The following MUC5B variants were observed in gnomAD, a reference collection of about 807,000 sequenced individuals.
MUC5B encodes the protein mucin-5B.
In MUC5B, 116 loss-of-function variants were observed where a neutral mutation model predicts 376.9. The ratio of observed to expected loss-of-function variants is 0.31; its 90% confidence interval spans 0.26 to 0.36. MUC5B has a LOEUF of 0.36. Ranked by LOEUF, MUC5B falls within the 10% of genes least tolerant of loss-of-function variation. The pLI is 1.00. For missense variants in MUC5B, 7,165 were observed against 7,769.9 expected (o/e 0.92, Z 2.93); for synonymous variants, 3,517 against 3,390.9 (o/e 1.04, Z -1.29).
chr11:1,233,826 A>G lies in MUC5B; in HGVS notation c.2355A>G (p.Gly785=). The G allele has an allele frequency of 6.2e-7, 1 of 1,605,032 alleles. No homozygotes were observed. The highest frequency in any genetic ancestry group is 1.1e-5 in the South Asian group (1 of 89,816). ...SCTGGKLSCL[G]ASLQKSTGCA... ...CGGGTGGGAAGCTAAGCTGCCTGGG[A>G]GCCTCTCTGCAGAAAAGCACAGGTA... The change falls in exon 19 of 49, where the codon GGA becomes GGG. Residue 785 remains glycine, a synonymous_variant. Transcript: ENST00000529681.
chr11:1,242,814 C>G lies in MUC5B; in HGVS notation c.5934C>G (p.Thr1978=). The part of the protein sequence containing the change: ...LRSTATTPTA[T]SVTPIPSSSL... The stretch of plus-strand genomic sequence containing the variant: ...GCACAGCCACCACACCCACAGCTAC[C>G]AGCGTTACACCCATCCCCTCTTCCT... The change falls in exon 31 of 49, where the codon ACC becomes ACG. Residue 1978 remains threonine, a synonymous_variant. Coordinates refer to ENST00000529681, the MANE Select transcript of MUC5B (RefSeq NM_002458.3). 1 of 1,613,242 alleles carries G rather than the reference C, an allele frequency of 6.2e-7. No individual in the cohort carries two copies. Among genetic ancestry groups the G allele is most frequent in the Non-Finnish European group, 8.5e-7 (1 of 1,179,620 alleles).
rs1212166423 is a variant in MUC5B at position 1,247,305 on chromosome 11, C to T, written c.10425C>T (p.Thr3475=). 1 of 1,611,634 alleles carries T rather than the reference C, an allele frequency of 6.2e-7. No homozygotes were observed. The highest frequency in any genetic ancestry group is 8.5e-7 in the Non-Finnish European group (1 of 1,179,546). ...TGCGCACAGCCTGGACTTCGGCCAC[C>T]TCGGGCATCTTGGGCACCACCCACA... ...HTVRTAWTSA[T]SGILGTTHIT... The change falls in exon 31 of 49, where the codon ACC becomes ACT. Residue 3475 remains threonine (T), a synonymous_variant. Transcript: ENST00000529681.
At position 1,245,858 on chromosome 11, in the gene MUC5B, T is replaced by C; in HGVS notation, c.8978T>C (p.Leu2993Pro). The change falls in exon 31 of 49, where the codon CTC becomes CCC. Residue 2993 changes from leucine to proline, a missense_variant. This residue lies in a region of MUC5B where 939 missense variants were observed against 770.6 expected (regional missense o/e 1.22). Coordinates refer to ENST00000529681, the MANE Select transcript of MUC5B (RefSeq NM_002458.3). Reference sequence around the variant, plus strand: ...TCCACTCCAGGGACGACCTGGATCCTCACAGAGCAGACCACAGCAGCCACT... The same window carrying C: ...TCCACTCCAGGGACGACCTGGATCCCCACAGAGCAGACCACAGCAGCCACT... ...PSSTPGTTWI[L>P]TEQTTAATTT... The C allele has an allele frequency of 2.5e-6, 4 of 1,612,950 alleles. No individual in the cohort carries two copies. The highest frequency in any genetic ancestry group is 3.4e-6 in the Non-Finnish European group (4 of 1,179,708).
At chr11:1,232,406 G>A in intron 15 of MUC5B, 44 bp from the exon 16 acceptor site, 2 of 1,548,962 alleles carry the variant, frequency 1.3e-6, no homozygotes, top group South Asian at 1.2e-5. Context: ...AGGGGTGTGG[G>A]CTTCGGGGCA....
In MUC5B at chr11:1,250,019, C is replaced by G; in HGVS notation, c.13139C>G (p.Ser4380Cys). 1 of 1,612,630 alleles carries G rather than the reference C, an allele frequency of 6.2e-7. No individual in the cohort carries two copies. The change falls in exon 31 of 49, where the codon TCC becomes TGC. Residue 4380 changes from serine to cysteine, a missense_variant. Physicochemically the swap from Ser to Cys is moderately radical, Grantham distance 112. Around this residue, in one of 31 missense-constraint regions of MUC5B, gnomAD observed 431 missense variants for 390.4 expected, o/e 1.10. Transcript: ENST00000529681. Reference sequence around the variant, plus strand: ...ACGACAAGGGCCACCAGTTCCACGTCCACCCCCTCCTCCACTCCGGGGACG... The same window carrying G: ...ACGACAAGGGCCACCAGTTCCACGTGCACCCCCTCCTCCACTCCGGGGACG... ...ATTTRATSST[S>C]TPSSTPGTTW... is the part of the protein sequence containing the mutation.
At position 1,245,764 on chromosome 11, in the gene MUC5B, C is replaced by T. The variant is rs764524864; in HGVS notation, c.8884C>T (p.Arg2962Cys). Residue 2962 changes from arginine (R) to cysteine (C), a missense_variant, in exon 31 of 49, where the codon CGT becomes TGT. Around this residue, in one of 31 missense-constraint regions of MUC5B, gnomAD observed 57 missense variants for 167.2 expected, o/e 0.34. Coordinates refer to ENST00000529681, the MANE Select transcript of MUC5B (RefSeq NM_002458.3). The stretch of plus-strand genomic sequence containing the variant: ...CAAGATGTGCTTCAACTATGAAATC[C>T]GTGTGTTCTGCTGCAACTACGGCCA... ...KFKMCFNYEI[R>C]VFCCNYGHCP... 13 of 1,612,320 alleles carry T rather than the reference C, an allele frequency of 8.1e-6. No homozygotes were observed. The highest frequency in any genetic ancestry group is 1.7e-5 in the Admixed American group (1 of 59,912).
Position 1,258,235 on chromosome 11 carries a change from G to A in MUC5B, c.16555+32G>A. The A allele has an allele frequency of 6.4e-7, 1 of 1,571,922 alleles. No homozygotes were observed. The highest frequency in any genetic ancestry group is 8.6e-7 in the Non-Finnish European group (1 of 1,158,742). ...GGGGCTGGGGCCGGGCTCCTGGGTG[G>A]CCTCTTGCTGGGGGTGGGGGAGTGC... On this transcript the variant is annotated intron_variant, in intron 42 of 48. Coordinates refer to ENST00000529681, the MANE Select transcript of MUC5B (RefSeq NM_002458.3). The surrounding 1 kb of genome is among the most constrained non-coding windows in gnomAD (Gnocchi z 5.5).
chr11:1,259,485 G>T, intron 44 of MUC5B: 1 of 564,260 alleles, frequency 1.8e-6, no homozygotes, highest in South Asian at 2.1e-5. Context: ...TAACTGAGGG[G>T]GTCTGGGGGT....
Position 1,257,082 on chromosome 11 carries a change from G to A in MUC5B, c.16238-158G>A, listed in dbSNP as rs565375327. On this transcript the variant is annotated intron_variant, in intron 39 of 48. Coordinates refer to ENST00000529681, the MANE Select transcript of MUC5B (RefSeq NM_002458.3). This position sits in a 1 kb window ranked among gnomAD's most constrained non-coding sequence, Gnocchi z 8.9. ...CTGACAGCTGGGCTCACGGTGCCCT[G>A]GCCTGAGCTCCAGCCACATCTGACA... Among the ~76,000 whole-genome samples, 24 of 152,312 alleles carry A rather than the reference G, an allele frequency of 1.6e-4. No homozygotes were observed. In the East Asian group the frequency reaches 4.5e-3, roughly 28 times the overall value.
At position 1,228,791 on chromosome 11, in the gene MUC5B, G is replaced by C. The variant is rs1861951916; in HGVS notation, c.976+26G>C. 2.7e-6 allele frequency: 4 copies of C among 1,471,774 alleles called. No homozygotes were observed. The African/African-American group carries it at 5.6e-5, about 21-fold the overall frequency. 91.2% of individuals were successfully genotyped at this position (1,471,774 alleles called of 1,614,324 possible). The stretch of plus-strand genomic sequence containing the variant: ...GTGAGTGCTCCCAGGGCCTTCGCCA[G>C]GGATTGTGCCAGAGAGAAGGGGCAG... On this transcript the variant is annotated intron_variant, in intron 8 of 48. Coordinates refer to ENST00000529681, the MANE Select transcript of MUC5B (RefSeq NM_002458.3).
chr11:1,248,052 G>T lies in MUC5B; in HGVS notation c.11172G>T (p.Glu3724Asp), dbSNP rs759330645. ...CAGGGACCACCTGGATCCTCACAGA[G>T]CCGAGCACTACAGCCACCGTGACGG... The part of the protein sequence containing the change: ...STPGTTWILT[E>D]PSTTATVTVP... Residue 3724 changes from glutamate to aspartate, a missense_variant, in exon 31 of 49, where the codon GAG (glutamate) becomes GAT (aspartate). By Grantham distance (45) the Glu-to-Asp change is conservative (BLOSUM62 2). This residue lies in a region of MUC5B where 90 missense variants were observed against 71.1 expected (regional missense o/e 1.27). Transcript: ENST00000529681. 4.9e-5 allele frequency: 79 copies of T among 1,605,758 alleles called. No individual in the cohort carries two copies. Among genetic ancestry groups the T allele is most frequent in the Non-Finnish European group, 6.6e-5 (78 of 1,176,916 alleles).
chr11:1,249,437 A>C lies in MUC5B; in HGVS notation c.12557A>C (p.Glu4186Ala), dbSNP rs949129471. 1.9e-6 allele frequency: 3 copies of C among 1,611,312 alleles called. No individual in the cohort carries two copies. Among genetic ancestry groups the C allele is most frequent in the African/African-American group, 2.7e-5 (2 of 74,852 alleles). ...AQAQPGVPLGELGQVVECSLD... is the reference protein window; with the variant it reads ...AQAQPGVPLGALGQVVECSLD... The stretch of plus-strand genomic sequence containing the variant: ...GCCCAGCCTGGTGTCCCCCTGGGGG[A>C]GTTGGGCCAGGTCGTGGAATGCAGC... Residue 4186 changes from glutamate to alanine, a missense_variant, in exon 31 of 49, where the codon GAG becomes GCG. Around this residue, in one of 31 missense-constraint regions of MUC5B, gnomAD observed 34 missense variants for 25.7 expected, o/e 1.32. Transcript: ENST00000529681.
chr11:1,239,113 C>T lies in MUC5B; in HGVS notation c.3454+86C>T, dbSNP rs559692101. 238 of 1,485,298 alleles carry T rather than the reference C, an allele frequency of 1.6e-4. 1 individual carries two copies. Among genetic ancestry groups the T allele is most frequent in the Non-Finnish European group, 5.6e-5 (62 of 1,098,056 alleles). The allele number at this position is 1,485,298 out of a possible 1,614,324, so 92.0% of individuals were successfully genotyped here. A position where few individuals can be genotyped will look rare whatever the true frequency, so the allele number is the denominator to read the frequency against. Reference sequence around the variant, plus strand: ...TGGCAGCCTCCGAAGGTGCATTGACCTGGGCCTGAGCCGCACACAGACATC... The same window carrying T: ...TGGCAGCCTCCGAAGGTGCATTGACTTGGGCCTGAGCCGCACACAGACATC... On this transcript the variant is annotated intron_variant, in intron 26 of 48. Coordinates refer to ENST00000529681, the MANE Select transcript of MUC5B (RefSeq NM_002458.3).
At chr11:1,261,244 C>A in intron 48 of MUC5B, 145 bp from the exon 49 acceptor site, 1 of 680,974 alleles carries the variant, frequency 1.5e-6, no homozygotes, top group Non-Finnish European at 2.5e-6. Context: ...GAAGGTGAAG[C>A]CTCACGTGCC....
chr11:1,237,213 T>C (rs1862180751), intron 25 of MUC5B, 49 bp downstream of exon 25: 1 of 1,346,740 alleles, frequency 7.4e-7, no homozygotes, highest in Non-Finnish European at 9.5e-7. Flanking sequence ...TGGCAGTTGC[T>C]TCCTTCCCGC....
chr11:1,261,281 G>T, intron 48 of MUC5B, 108 bp from the exon 49 acceptor site: 2 of 959,322 alleles, frequency 2.1e-6, no homozygotes, highest in East Asian at 5.3e-5. Context: ...GTGGACAGAA[G>T]GGGGCGGCCG....
Position 1,233,004 on chromosome 11 carries a change from C to T in MUC5B, c.2066-9C>T, listed in dbSNP as rs536945893. On this transcript the variant is annotated splice_polypyrimidine_tract_variant and intron_variant, in intron 17 of 48. Transcript: ENST00000529681. ...GCTGACCTGTCCCCCCTGGCCCCAC[C>T]GACCACAGCCAAGTACATGCAGAAC... The T allele has an allele frequency of 1.4e-5, 22 of 1,570,112 alleles. No homozygotes were observed. The highest frequency in any genetic ancestry group is 6.9e-5 in the East Asian group (3 of 43,208).
chr11:1,224,150 G>T (rs937538088), intron 1 of MUC5B, among the ~76,000 whole-genome samples: 1 of 152,204 alleles, frequency 6.6e-6, no homozygotes, highest in Non-Finnish European at 1.5e-5. Flanking sequence ...TGCAGCCTTG[G>T]CTCCCCTCAC....
In MUC5B at chr11:1,237,030, T is replaced by C; in HGVS notation, c.3163T>C (p.Trp1055Arg). ...VGDALEFGNSWKLSPSCPDAL... is the reference protein window; with the variant it reads ...VGDALEFGNSRKLSPSCPDAL... Reference sequence around the variant, plus strand: ...GGACGCACTGGAGTTTGGGAACAGCTGGAAGCTCTCCCCCTCCTGCCCGGA... The same window carrying C: ...GGACGCACTGGAGTTTGGGAACAGCCGGAAGCTCTCCCCCTCCTGCCCGGA... Residue 1055 changes from tryptophan (W) to arginine (R), a missense_variant, in exon 25 of 49, where the codon TGG becomes CGG. Trp to Arg is a moderately radical substitution (Grantham distance 101). This residue lies in a region of MUC5B where 143 missense variants were observed against 193.2 expected (regional missense o/e 0.74). Transcript: ENST00000529681. 6.3e-7 allele frequency: 1 copy of C among 1,579,236 alleles called. No individual in the cohort carries two copies. Among genetic ancestry groups the C allele is most frequent in the Non-Finnish European group, 8.6e-7 (1 of 1,162,522 alleles).
Sources: allele counts gnomAD v4.1 joint callset (sites outside exome capture counted in the v4.1 genomes callset), GRCh38; gene constraint gnomAD v4.1.1; regional missense constraint gnomAD v4.1.1; non-coding constraint Gnocchi (gnomAD v3.1); transcripts MANE v1.5; gene names NCBI Gene and HGNC (gene_info 2026-07-23, HGNC 2026-07-21).